The following GPC6 variants were observed in gnomAD, a reference collection of about 807,000 sequenced individuals.
GPC6 encodes the protein glypican 6, also known as glypican-6.
In GPC6, 14 loss-of-function variants were observed where a neutral mutation model predicts 55.2. The observed-to-expected ratio is 0.25, with a 90% CI of 0.17 to 0.40. The LOEUF is 0.40. Ranked by LOEUF, GPC6 falls within the 10% of genes least tolerant of loss-of-function variation. The pLI is 1.00. For synonymous variants in GPC6, 278 were observed against 259.6 expected (o/e 1.07, Z -0.68); for missense variants, 641 against 708.5 (o/e 0.90, Z 1.08).
At chr13:93,251,126 A>G (rs551995868) in intron 1 of GPC6, among the ~76,000 whole-genome samples, 1 of 152,298 alleles carries the variant, frequency 6.6e-6, no homozygotes, top group East Asian at 1.9e-4. Flanking sequence ...ACCTGAGGGA[A>G]TGATGGGAGC....
At chr13:93,261,654 A>T (rs983023978) in intron 1 of GPC6, among the ~76,000 whole-genome samples, 8 of 152,176 alleles carry the variant, frequency 5.3e-5, no homozygotes, top group African/African-American at 1.9e-4. Flanking sequence ...ATTCCCTGAG[A>T]AGTGTGGTTG....
intron 2 of GPC6, among the ~76,000 whole-genome samples, chr13:93,658,781 T>C (rs892721935): frequency 2.0e-5 from 3 of 151,722 alleles, no homozygotes; most frequent in African/African-American, 7.3e-5. Context: ...ATTTTGCTAA[T>C]ATTTTGTGAG....
chr13:93,843,128 A>G (rs181372268), intron 3 of GPC6, among the ~76,000 whole-genome samples: 7 of 150,940 alleles, frequency 4.6e-5, no homozygotes, highest in African/African-American at 1.7e-4. Flanking sequence ...TTTCTTTTAC[A>G]ACCTAAGAGA....
At chr13:93,462,174 C>T (rs537094277) in intron 1 of GPC6, among the ~76,000 whole-genome samples, 2 of 152,266 alleles carry the variant, frequency 1.3e-5, no homozygotes, top group East Asian at 3.9e-4. Context: ...TTTATTATGT[C>T]ATATCTGTTG....
chr13:93,920,006 A>G (rs536824421), intron 3 of GPC6, among the ~76,000 whole-genome samples: 6 of 152,004 alleles, frequency 3.9e-5, no homozygotes, highest in South Asian at 4.2e-4. Context: ...ATCTCTCTCT[A>G]CAGATTTTAC....
chr13:93,557,334 G>C (rs1450659545), intron 2 of GPC6, among the ~76,000 whole-genome samples: 3 of 151,984 alleles, frequency 2.0e-5, no homozygotes, highest in Non-Finnish European at 4.4e-5. Flanking sequence ...TCTCTATTTA[G>C]AGTACAAGTA....
At position 93,226,999 on chromosome 13, in the gene GPC6, C is replaced by T. The variant is rs1594038613; in HGVS notation, c.-458C>T. On this transcript the variant is annotated 5_prime_UTR_variant, in exon 1 of 9. Transcript: ENST00000377047. ...GCTCACACCAACAGACACACGCGCG[C>T]ATACACACTCGCTCTCGCTTGTCCA... is the stretch of plus-strand genomic sequence containing the variant. 6.4e-6 allele frequency: 1 copy of T among 157,106 alleles called. No homozygotes were observed. Among genetic ancestry groups the T allele is most frequent in the East Asian group, 1.9e-4 (1 of 5,314 alleles). 9.7% of individuals were successfully genotyped at this position (157,106 alleles called of 1,614,324 possible). A position where few individuals can be genotyped will look rare whatever the true frequency, so the allele number is the denominator to read the frequency against.
chr13:93,545,336 A>C lies in GPC6; in HGVS notation c.234A>C (p.Gln78His). Residue 78 changes from glutamine (Q) to histidine (H), a missense_variant, in exon 2 of 9, where the codon CAA (glutamine) becomes CAC (histidine). Coordinates refer to ENST00000377047, the MANE Select transcript of GPC6 (RefSeq NM_005708.5). ...TTEMEDKLSQQSKLEFENLVE... is the reference protein window; with the variant it reads ...TTEMEDKLSQHSKLEFENLVE... Reference sequence around the variant, plus strand: ...AAATGGAAGACAAGTTAAGCCAACAAAGCAAACTCGAATTTGAAAACCTTG... The same window carrying C: ...AAATGGAAGACAAGTTAAGCCAACACAGCAAACTCGAATTTGAAAACCTTG... The C allele has an allele frequency of 1.1e-5, 17 of 1,613,712 alleles. No individual in the cohort carries two copies. The highest frequency in any genetic ancestry group is 1.4e-5 in the Non-Finnish European group (17 of 1,179,630).
intron 2 of GPC6, among the ~76,000 whole-genome samples, chr13:93,688,297 T>G (rs1199095971): frequency 6.6e-6 from 1 of 152,020 alleles, no homozygotes. Context: ...GAGAGAAGAA[T>G]GAGTAGACTT....
At chr13:94,256,776 T>G (rs1200459028) in intron 4 of GPC6, among the ~76,000 whole-genome samples, 1 of 152,128 alleles carries the variant, frequency 6.6e-6, no homozygotes, top group Non-Finnish European at 1.5e-5. Context: ...CCCAAATCCT[T>G]CCAGAGACAG....
intron 2 of GPC6, among the ~76,000 whole-genome samples, chr13:93,807,446 T>C (rs1235098290): frequency 6.6e-6 from 1 of 152,202 alleles, no homozygotes; most frequent in East Asian, 1.9e-4. Context: ...TTGTTGAAAG[T>C]ACCACATACA....
intron 1 of GPC6, among the ~76,000 whole-genome samples, chr13:93,400,469 AG>A (rs1297642048): frequency 7.6e-6 from 1 of 132,352 alleles, no homozygotes; most frequent in Non-Finnish European, 1.7e-5. Context: ...TGGCGGGGAC[AG>A]GGTGGGGGGA....
intron 1 of GPC6, among the ~76,000 whole-genome samples, chr13:93,431,258 T>C (rs1006392488): frequency 6.6e-6 from 1 of 152,090 alleles, no homozygotes; most frequent in Non-Finnish European, 1.5e-5. Flanking sequence ...TCCTATGCAA[T>C]TTATGGTTTA....
At chr13:93,484,457 G>A (rs1156545492) in intron 1 of GPC6, among the ~76,000 whole-genome samples, 2 of 152,010 alleles carry the variant, frequency 1.3e-5, no homozygotes, top group South Asian at 4.1e-4. Context: ...CTCTAATCCC[G>A]AGTATGCTGT....
At position 93,794,721 on chromosome 13, in the gene GPC6, C is replaced by T. The variant is rs1387355539; in HGVS notation, c.320-35433C>T. Among the ~76,000 whole-genome samples the T allele has an allele frequency of 3.3e-5, 5 of 152,238 alleles. No homozygotes were observed. In the East Asian group the frequency reaches 9.6e-4, roughly 29 times the overall value. On this transcript the variant is annotated intron_variant, in intron 2 of 8. Coordinates refer to ENST00000377047, the MANE Select transcript of GPC6 (RefSeq NM_005708.5). ...TATGTTCACAGCTGCCTATTAGAGT[C>T]ACTTATAGTAGAAAGCTCACAATAC...
chr13:94,387,731 TC>T, intron 7 of GPC6, among the ~76,000 whole-genome samples: 1 of 13,526 alleles, frequency 7.4e-5, no homozygotes, highest in African/African-American at 4.8e-4. Flanking sequence ...GACATGAGTT[TC>T]TCTCTCTCTC....
chr13:94,340,155 G>A (rs1877956780), intron 6 of GPC6, among the ~76,000 whole-genome samples: 1 of 152,064 alleles, frequency 6.6e-6, no homozygotes, highest in Non-Finnish European at 1.5e-5. Context: ...GTATCAAAAA[G>A]GTAAAGAATG....
rs74467840 is a variant in GPC6, at chr13:93,662,148, T to A, written c.319+116727T>A. On this transcript the variant is annotated intron_variant, in intron 2 of 8. Transcript: ENST00000377047. ...GCCCCAGGCTTGTGCTCTCCAAGGCTTGTGAATTTCATATATGTTTCTCTT... is the reference window on the plus strand; with the variant it reads ...GCCCCAGGCTTGTGCTCTCCAAGGCATGTGAATTTCATATATGTTTCTCTT... 8.0e-3 allele frequency among the ~76,000 whole-genome samples: 1,213 copies of A among 152,308 alleles called. 22 individuals carry two copies. Among genetic ancestry groups the A allele is most frequent in the African/African-American group, 0.028 (1,159 of 41,566 alleles).
chr13:93,723,514 T>C (rs1883524878), intron 2 of GPC6, among the ~76,000 whole-genome samples: 1 of 152,002 alleles, frequency 6.6e-6, no homozygotes, highest in African/African-American at 2.4e-5. Flanking sequence ...TAACTGCAGC[T>C]TGGCGAGAGT....
Sources: gnomAD v4.1 joint callset for allele counts (sites outside exome capture counted in the v4.1 genomes callset) on GRCh38, gnomAD v4.1.1 for gene constraint, MANE v1.5 for transcripts, NCBI Gene and HGNC (gene_info 2026-07-23, HGNC 2026-07-21) for gene names.